The following RAPGEF4 variants were observed in gnomAD, a reference collection of about 807,000 sequenced individuals.
RAPGEF4 encodes the protein RAP guanine-nucleotide-exchange factor (GEF) 4.
Under a neutral mutation model 147.9 loss-of-function variants are expected in RAPGEF4, and 66 were observed. The observed-to-expected ratio is 0.45, with a 90% confidence interval of 0.37 to 0.55. The LOEUF is 0.55. RAPGEF4 is among the 20% of genes least tolerant of loss of function. RAPGEF4 has a pLI of 0.00. For synonymous variants in RAPGEF4, 419 were observed against 442.7 expected, an observed-to-expected ratio of 0.95 and a Z score of 0.67; for missense variants, 1,071 against 1,257.3, an observed-to-expected ratio of 0.85 and a Z score of 2.24.
intron 4 of RAPGEF4, among the ~76,000 whole-genome samples, chr2:172,872,557 G>T (rs1340555219): frequency 6.6e-6 from 1 of 152,116 alleles, no homozygotes; most frequent in Non-Finnish European, 1.5e-5. Flanking sequence ...CCTGGTGGGA[G>T]GTGATTGGAT....
intron 1 of RAPGEF4, among the ~76,000 whole-genome samples, chr2:172,737,704 C>G (rs999114240): frequency 4.1e-5 from 6 of 146,248 alleles, no homozygotes; most frequent in African/African-American, 1.3e-4. Context: ...GGAAAAAAAT[C>G]TAGGAAAAAA....
chr2:172,968,858 C>T (rs1490450789), intron 10 of RAPGEF4, among the ~76,000 whole-genome samples: 1 of 152,162 alleles, frequency 6.6e-6, no homozygotes, highest in African/African-American at 2.4e-5. Context: ...CCATTTTAAG[C>T]CATGTTTTCT....
At chr2:173,008,106 T>C (rs113252306) in intron 17 of RAPGEF4, among the ~76,000 whole-genome samples, 6,224 of 152,212 alleles carry the variant, frequency 0.041, 340 homozygotes, top group African/African-American at 0.12. Context: ...GAGTGAGTTC[T>C]CATGAGATCT....
intron 1 of RAPGEF4, among the ~76,000 whole-genome samples, chr2:172,769,518 C>T (rs755186832): frequency 4.2e-4 from 64 of 152,192 alleles, no homozygotes; most frequent in Middle Eastern, 3.4e-3. Flanking sequence ...GAAAGAGATT[C>T]ATACAGTTGA....
intron 4 of RAPGEF4, among the ~76,000 whole-genome samples, chr2:172,861,913 G>T (rs2149780439): frequency 6.6e-6 from 1 of 152,266 alleles, no homozygotes; most frequent in East Asian, 1.9e-4. Flanking sequence ...GTCCTTGTTT[G>T]CCAAAATGAT....
rs879639337 is a variant in RAPGEF4 at position 172,856,974 on chromosome 2, C to G, written c.444+42549C>G. The stretch of plus-strand genomic sequence containing the variant: ...CTTCTAAGTGTCAGCACCCACCCCC[C>G]GCCCGCCTTTATTTCTGCCTGTTCT... On this transcript the variant is annotated intron_variant, in intron 4 of 30. Coordinates refer to ENST00000397081, the MANE Select transcript of RAPGEF4 (RefSeq NM_007023.4). Among the ~76,000 whole-genome samples the G allele has an allele frequency of 3.0e-3, 344 of 114,406 alleles. 3 individuals are homozygous for G. The highest frequency in any genetic ancestry group is 3.3e-3 in the Non-Finnish European group (198 of 59,746). 75.1% of individuals were successfully genotyped at this position (114,406 alleles called of 152,430 possible). A position where few individuals can be genotyped will look rare whatever the true frequency, so the allele number is the denominator to read the frequency against.
chr2:172,748,117 A>G (rs6722150), intron 1 of RAPGEF4, among the ~76,000 whole-genome samples: 3,090 of 152,302 alleles, frequency 0.02, 109 homozygotes, highest in African/African-American at 0.07. Context: ...GTTATTGTGA[A>G]TAATGCTGCA....
At chr2:172,947,027 G>A (rs1409291176) in intron 6 of RAPGEF4, among the ~76,000 whole-genome samples, 2 of 152,136 alleles carry the variant, frequency 1.3e-5, no homozygotes, top group Non-Finnish European at 1.5e-5. Flanking sequence ...TTGCCTAAAC[G>A]TATTTGTGAA....
At chr2:173,028,787 A>T (rs1696906818) in intron 25 of RAPGEF4, among the ~76,000 whole-genome samples, 1 of 152,190 alleles carries the variant, frequency 6.6e-6, no homozygotes, top group Non-Finnish European at 1.5e-5. Flanking sequence ...TGACAGTAGC[A>T]TCTGTTTTAC....
intron 23 of RAPGEF4, among the ~76,000 whole-genome samples, chr2:173,024,719 G>C (rs960431011): frequency 6.6e-6 from 1 of 152,228 alleles, no homozygotes; most frequent in Non-Finnish European, 1.5e-5. Context: ...CACAGTTAGA[G>C]TAGGGTTTAT....
At chr2:172,923,245 C>A (rs773511146) in intron 6 of RAPGEF4, among the ~76,000 whole-genome samples, 18 of 152,094 alleles carry the variant, frequency 1.2e-4, no homozygotes, top group Non-Finnish European at 2.4e-4. Flanking sequence ...TATAGGACTA[C>A]AAACTTGGGA....
Position 172,814,442 on chromosome 2 carries a change from C to A in RAPGEF4, c.444+17C>A. On this transcript the variant is annotated intron_variant, in intron 4 of 30. Coordinates refer to ENST00000397081, the MANE Select transcript of RAPGEF4 (RefSeq NM_007023.4). ...CTATGGGAGGTGAGCCCTAAGGCTT[C>A]TTTGTCAATTAATGCAGTTTCAGAA... is the stretch of plus-strand genomic sequence containing the variant. 1 of 1,613,804 alleles carries A rather than the reference C, an allele frequency of 6.2e-7. No homozygotes were observed. The highest frequency in any genetic ancestry group is 2.2e-5 in the East Asian group (1 of 44,884).
At chr2:172,951,355 C>T (rs1688193098) in intron 6 of RAPGEF4, among the ~76,000 whole-genome samples, 1 of 152,188 alleles carries the variant, frequency 6.6e-6, no homozygotes, top group African/African-American at 2.4e-5. Flanking sequence ...ATAAATGAAT[C>T]AATGAAGAAA....
intron 2 of RAPGEF4, among the ~76,000 whole-genome samples, chr2:172,795,961 G>A (rs1244810417): frequency 6.6e-6 from 1 of 152,180 alleles, no homozygotes; most frequent in Non-Finnish European, 1.5e-5. Context: ...CCTGCTGAAG[G>A]ACTATTTCTT....
chr2:172,961,082 C>T (rs1182577817), intron 7 of RAPGEF4, 40 bp from the exon 8 acceptor site: 1 of 1,409,698 alleles, frequency 7.1e-7, no homozygotes, highest in African/African-American at 1.4e-5. Context: ...TCTATAAACA[C>T]TTCTTTCTCC....
At chr2:172,812,996 A>G (rs1688170719) in intron 3 of RAPGEF4, among the ~76,000 whole-genome samples, 2 of 152,236 alleles carry the variant, frequency 1.3e-5, no homozygotes, top group South Asian at 4.1e-4. Context: ...TGCAAAATTT[A>G]TTAGCAGGCT....
intron 1 of RAPGEF4, among the ~76,000 whole-genome samples, chr2:172,770,707 A>G (rs1283623290): frequency 2.0e-5 from 3 of 152,154 alleles, no homozygotes; most frequent in South Asian, 2.1e-4. Flanking sequence ...ATTGCCATCT[A>G]TTGTCCCCAT....
chr2:173,008,068 G>GC (rs1222860338), intron 17 of RAPGEF4, among the ~76,000 whole-genome samples: 8 of 76,248 alleles, frequency 1.0e-4, no homozygotes, highest in African/African-American at 1.6e-4. Context: ...GATCGGGTGT[G>GC]GCCCCCCCAT....
At chr2:172,960,723 G>T in intron 6 of RAPGEF4, 37 bp from the exon 7 acceptor site, 1 of 1,513,280 alleles carries the variant, frequency 6.6e-7, no homozygotes, top group East Asian at 2.3e-5. Flanking sequence ...TGAACTTTTT[G>T]TTTAATTTTC....
Sources: gnomAD v4.1 joint callset for allele counts (sites outside exome capture counted in the v4.1 genomes callset) on GRCh38, gnomAD v4.1.1 for gene constraint, MANE v1.5 for transcripts, NCBI Gene and HGNC (gene_info 2026-07-23, HGNC 2026-07-21) for gene names.